Variants in CSRNP3 observed in about 807,000 individuals in gnomAD.
The protein encoded by CSRNP3 is cysteine/serine-rich nuclear protein 3.
Under a neutral mutation model 48.0 loss-of-function variants are expected in CSRNP3, and 12 were observed. The ratio of observed to expected loss-of-function variants is 0.25; its 90% confidence interval spans 0.16 to 0.41. The LOEUF is 0.41. Ranked by LOEUF, CSRNP3 falls within the 10% of genes least tolerant of loss-of-function variation. CSRNP3 has a pLI of 1.00. For synonymous variants in CSRNP3, 263 were observed against 269.7 expected (o/e 0.98, Z 0.24); for missense variants, 580 against 724.4 (o/e 0.80, Z 2.29).
chr2:165,499,011 G>A (rs1353048445), intron 2 of CSRNP3, among the ~76,000 whole-genome samples: 2 of 152,142 alleles, frequency 1.3e-5, no homozygotes, highest in Admixed American at 6.6e-5. Flanking sequence ...AAATCTTAGA[G>A]TGTTCGTATT....
At chr2:165,541,735 T>C (rs1684960229) in intron 3 of CSRNP3, among the ~76,000 whole-genome samples, 2 of 152,126 alleles carry the variant, frequency 1.3e-5, no homozygotes, top group Non-Finnish European at 2.9e-5. Context: ...TGTTAGAACC[T>C]GGTGTCAAGA....
intron 2 of CSRNP3, among the ~76,000 whole-genome samples, chr2:165,497,154 C>T (rs1253023289): frequency 6.6e-6 from 1 of 151,978 alleles, no homozygotes; most frequent in East Asian, 1.9e-4. Flanking sequence ...CTGCTCCACT[C>T]CACCACCATT....
At chr2:165,555,424 C>T (rs1174598431) in intron 3 of CSRNP3, among the ~76,000 whole-genome samples, 1 of 152,150 alleles carries the variant, frequency 6.6e-6, no homozygotes, top group Non-Finnish European at 1.5e-5. Flanking sequence ...AGCCCAAAAC[C>T]ATAGAGCAAG....
intron 3 of CSRNP3, among the ~76,000 whole-genome samples, chr2:165,570,152 G>A (rs1685349717): frequency 6.6e-6 from 1 of 151,870 alleles, no homozygotes; most frequent in Non-Finnish European, 1.5e-5. Context: ...TGAAAACTAA[G>A]GCATAAGATA....
At chr2:165,640,066 A>G (rs1018008080) in intron 4 of CSRNP3, among the ~76,000 whole-genome samples, 9 of 152,208 alleles carry the variant, frequency 5.9e-5, no homozygotes, top group Non-Finnish European at 8.8e-5. Context: ...GTTGCCTCCA[A>G]TGAATAGTTC....
In CSRNP3 at chr2:165,678,731, A is replaced by G. The variant is rs755918923; in HGVS notation, c.736A>G (p.Thr246Ala). The change falls in exon 7 of 7, where the codon ACT (threonine) becomes GCT (alanine). Residue 246 changes from threonine to alanine, a missense_variant. This residue lies in a region of CSRNP3 where 66 missense variants were observed against 137.6 expected (regional missense o/e 0.48). Coordinates refer to ENST00000651982, the MANE Select transcript of CSRNP3 (RefSeq NM_001172173.2). Reference sequence around the variant, plus strand: ...TCGTATGTCTTTCCCATGCGGCTGCACTAAAGAAGGATGTAGTAACACAGC... The same window carrying G: ...TCGTATGTCTTTCCCATGCGGCTGCGCTAAAGAAGGATGTAGTAACACAGC... ...VDRMSFPCGC[T>A]KEGCSNTAGR... The G allele has an allele frequency of 6.2e-7, 1 of 1,614,038 alleles. No homozygotes were observed. The highest frequency in any genetic ancestry group is 1.1e-5 in the South Asian group (1 of 91,086).
intron 3 of CSRNP3, among the ~76,000 whole-genome samples, chr2:165,525,256 A>G (rs1246307136): frequency 6.6e-6 from 1 of 152,048 alleles, no homozygotes; most frequent in Non-Finnish European, 1.5e-5. Flanking sequence ...CCCAAATTAT[A>G]CTAAGTTGTT....
chr2:165,638,985 A>G (rs1289570589), intron 4 of CSRNP3, among the ~76,000 whole-genome samples: 3 of 152,184 alleles, frequency 2.0e-5, no homozygotes, highest in African/African-American at 7.2e-5. Flanking sequence ...TTCATCCACC[A>G]ATCAATACAT....
Position 165,634,760 on chromosome 2 carries a change from C to T in CSRNP3, c.149-23001C>T, listed in dbSNP as rs945193293. Among the ~76,000 whole-genome samples, 21 of 152,348 alleles carry T rather than the reference C, an allele frequency of 1.4e-4. 1 individual carries two copies. Among genetic ancestry groups the T allele is most frequent in the African/African-American group, 4.8e-4 (20 of 41,578 alleles). Reference sequence around the variant, plus strand: ...GCTTACAACCTGGTGAAGAAACCTACCTGGAGGTGACAACAATTACACTCT... The same window carrying T: ...GCTTACAACCTGGTGAAGAAACCTATCTGGAGGTGACAACAATTACACTCT... On this transcript the variant is annotated intron_variant, in intron 4 of 6. Coordinates refer to ENST00000651982, the MANE Select transcript of CSRNP3 (RefSeq NM_001172173.2).
intron 1 of CSRNP3, among the ~76,000 whole-genome samples, chr2:165,480,742 A>G (rs1230832068): frequency 1.4e-5 from 2 of 147,180 alleles, no homozygotes; most frequent in East Asian, 3.9e-4. Context: ...AGAGATATGC[A>G]CAAGTATATA....
chr2:165,642,167 C>T (rs1686734549), intron 4 of CSRNP3, among the ~76,000 whole-genome samples: 1 of 150,640 alleles, frequency 6.6e-6, no homozygotes, highest in Admixed American at 6.6e-5. Context: ...TATGTATTGC[C>T]CTATGCACCC....
At chr2:165,515,888 C>T (rs376359199) in intron 2 of CSRNP3, among the ~76,000 whole-genome samples, 4 of 149,894 alleles carry the variant, frequency 2.7e-5, no homozygotes, top group African/African-American at 9.9e-5. Flanking sequence ...TCACTGCAAC[C>T]TCTGCATCCT....
At chr2:165,539,592 G>A (rs1170307791) in intron 3 of CSRNP3, among the ~76,000 whole-genome samples, 1 of 151,996 alleles carries the variant, frequency 6.6e-6, no homozygotes, top group African/African-American at 2.4e-5. Flanking sequence ...AACAGCTGAT[G>A]TATAAAAAGA....
intron 3 of CSRNP3, among the ~76,000 whole-genome samples, chr2:165,528,267 A>G (rs976169895): frequency 2.0e-5 from 3 of 152,256 alleles, no homozygotes; most frequent in South Asian, 2.1e-4. Flanking sequence ...CCTAATTTGC[A>G]TATTATTTCT....
chr2:165,616,763 G>A (rs1292209600), intron 4 of CSRNP3, among the ~76,000 whole-genome samples: 1 of 152,106 alleles, frequency 6.6e-6, no homozygotes, highest in Admixed American at 6.5e-5. Flanking sequence ...ATGTTGGATT[G>A]TTTCAGCTTC....
intron 1 of CSRNP3, among the ~76,000 whole-genome samples, chr2:165,479,945 G>C (rs533430397): frequency 6.6e-6 from 1 of 151,974 alleles, no homozygotes; most frequent in Non-Finnish European, 1.5e-5. Context: ...GCCTCACAAG[G>C]CCAGAATAAA....
chr2:165,495,436 T>C (rs1302838840), intron 2 of CSRNP3, among the ~76,000 whole-genome samples: 1 of 152,060 alleles, frequency 6.6e-6, no homozygotes, highest in Non-Finnish European at 1.5e-5. Flanking sequence ...AAGTTCATGC[T>C]CTTGAGTAAG....
At chr2:165,655,854 T>C (rs1274026885) in intron 4 of CSRNP3, among the ~76,000 whole-genome samples, 1 of 152,194 alleles carries the variant, frequency 6.6e-6, no homozygotes, top group African/African-American at 2.4e-5. Context: ...GTCCAAATTT[T>C]AACTTTTATA....
chr2:165,536,221 A>G lies in CSRNP3; in HGVS notation c.-24+18260A>G, dbSNP rs1030416464. 5.9e-5 allele frequency among the ~76,000 whole-genome samples: 9 copies of G among 151,870 alleles called. 1 individual carries two copies. Among genetic ancestry groups the G allele is most frequent in the Admixed American group, 2.0e-4 (3 of 15,206 alleles). On this transcript the variant is annotated intron_variant, in intron 3 of 6. Coordinates refer to ENST00000651982, the MANE Select transcript of CSRNP3 (RefSeq NM_001172173.2). ...AATATAATAGCGTCTTATGTATTCT[A>G]TTTGTTATTAGTTCAGTACTGGCAG...
Sources: gnomAD v4.1 joint callset for allele counts (sites outside exome capture counted in the v4.1 genomes callset) on GRCh38, gnomAD v4.1.1 for gene constraint, gnomAD v4.1.1 regional missense constraint, MANE v1.5 for transcripts, NCBI Gene and HGNC (gene_info 2026-07-23, HGNC 2026-07-21) for gene names.